HTR2C: variants seen among roughly 807,000 people sequenced by gnomAD.
HTR2C encodes the protein 5-hydroxytryptamine receptor 2C.
A neutral mutation model predicts 21.0 loss-of-function variants in HTR2C; 5 were observed. The ratio of observed to expected loss-of-function variants is 0.24; its 90% CI spans 0.12 to 0.50. The LOEUF (loss-of-function observed/expected upper bound fraction) is 0.50. Among genes scored for constraint, HTR2C ranks in the 20% least tolerant of loss-of-function variants. The probability of loss-of-function intolerance (pLI) is 0.98; values close to 1 mark genes in which losing one functional copy is unlikely to be tolerated. For synonymous variants in HTR2C, 150 were observed against 145.3 expected, an observed-to-expected ratio of 1.03 and a Z score of -0.23; for missense variants, 271 against 371.2, an observed-to-expected ratio of 0.73 and a Z score of 2.22.
intron 5 of HTR2C, among the ~76,000 whole-genome samples, chrX:114,879,093 T>TTA (rs2071160761): frequency 9.1e-6 from 1 of 109,604 alleles, no homozygotes; most frequent in South Asian, 3.7e-4. Context: ...AAAACTCCAA[T>TTA]TATATATATT....
At chrX:114,607,178 A>G (rs1020957912) in intron 1 of HTR2C, among the ~76,000 whole-genome samples, 1 of 112,055 alleles carries the variant, frequency 8.9e-6, no homozygotes, top group South Asian at 3.7e-4. Context: ...ACTTCAGGCC[A>G]TCTGGGCATA....
At chrX:114,612,810 C>T (rs1039136613) in intron 1 of HTR2C, among the ~76,000 whole-genome samples, 1 of 111,379 alleles carries the variant, frequency 9.0e-6, no homozygotes, top group Non-Finnish European at 1.9e-5. Flanking sequence ...TTGGATCTTG[C>T]ACAAGAAATA....
At chrX:114,626,404 A>AG (rs1289253991) in intron 2 of HTR2C, among the ~76,000 whole-genome samples, 50 of 102,041 alleles carry the variant, frequency 4.9e-4, no homozygotes, top group African/African-American at 1.6e-3. Context: ...AAAAAAAAGA[A>AG]AAAAAGAAAG....
intron 5 of HTR2C, among the ~76,000 whole-genome samples, chrX:114,865,845 T>A (rs1375562818): frequency 1.8e-5 from 2 of 111,213 alleles, no homozygotes; most frequent in Admixed American, 1.9e-4. Context: ...AGACAGGGTC[T>A]CCCTCTGTTG....
At chrX:114,816,019 C>G (rs1299844618) in intron 4 of HTR2C, among the ~76,000 whole-genome samples, 1 of 111,071 alleles carries the variant, frequency 9.0e-6, no homozygotes, top group Non-Finnish European at 1.9e-5. Flanking sequence ...AAAAGCTTAT[C>G]TCATAAGCTT....
chrX:114,796,043 C>G (rs2070290077), intron 4 of HTR2C, among the ~76,000 whole-genome samples: 1 of 111,212 alleles, frequency 9.0e-6, no homozygotes, highest in African/African-American at 3.3e-5. Context: ...AGATATATAG[C>G]ATATATAGAT....
At position 114,828,825 on chromosome X, in the gene HTR2C, A is replaced by G. The variant is rs189335981; in HGVS notation, c.350-19178A>G. On this transcript the variant is annotated intron_variant, in intron 4 of 5. Coordinates refer to ENST00000276198, the MANE Select transcript of HTR2C (RefSeq NM_000868.4). The stretch of plus-strand genomic sequence containing the variant: ...TATTTCGTATAAATAAAGTCATACA[A>G]TATGTGATCTTTTGCATCTGGCTTC... Among the ~76,000 whole-genome samples, 289 of 112,226 alleles carry G rather than the reference A, an allele frequency of 2.6e-3. 1 individual carries two copies. The highest frequency in any genetic ancestry group is 8.9e-3 in the African/African-American group (277 of 31,002).
At chrX:114,673,228 A>C (rs1931444544) in intron 2 of HTR2C, among the ~76,000 whole-genome samples, 1 of 112,464 alleles carries the variant, frequency 8.9e-6, no homozygotes, top group Non-Finnish European at 1.9e-5. Flanking sequence ...AACTTTAATT[A>C]ATTCCAGGAA....
chrX:114,807,114 T>TACC lies in HTR2C; in HGVS notation c.350-40888_350-40887insCCA, dbSNP rs2070469710. On this transcript the variant is annotated intron_variant, in intron 4 of 5. Transcript: ENST00000276198. ...ATACCCCATATATACACCATGTATA[T>TACC]ATATACCATATATACACCATATATA... 1.0e-4 allele frequency among the ~76,000 whole-genome samples: 4 copies of TACC among 38,522 alleles called. 1 individual carries two copies. Among genetic ancestry groups the TACC allele is most frequent in the African/African-American group, 3.9e-4 (4 of 10,187 alleles). The allele number at this position is 38,522 out of a possible 115,157, so 33.5% of individuals were successfully genotyped here.
At chrX:114,783,539 G>A (rs897559889) in intron 4 of HTR2C, among the ~76,000 whole-genome samples, 1 of 111,396 alleles carries the variant, frequency 9.0e-6, no homozygotes, top group Non-Finnish European at 1.9e-5. Flanking sequence ...GATAGAACAA[G>A]CTGGAAAAAA....
At chrX:114,596,794 A>C (rs945220667) in intron 1 of HTR2C, among the ~76,000 whole-genome samples, 2 of 112,531 alleles carry the variant, frequency 1.8e-5, no homozygotes, top group African/African-American at 6.5e-5. Context: ...TTGTGTTGCT[A>C]TAAAATAATT....
At chrX:114,827,321 C>T (rs2070686960) in intron 4 of HTR2C, among the ~76,000 whole-genome samples, 1 of 110,638 alleles carries the variant, frequency 9.0e-6, no homozygotes, top group Admixed American at 9.7e-5. Context: ...GTTTCTTACC[C>T]TTAATATTTT....
rs781788753 is a variant in HTR2C, at chrX:114,844,367, A to G, written c.350-3636A>G. On this transcript the variant is annotated intron_variant, in intron 4 of 5. Transcript: ENST00000276198. Reference sequence around the variant, plus strand: ...AGGTTAACCAAAGTAAACAATTAAAATAATACAAAGAGAAAGAGACAAGAA... The same window carrying G: ...AGGTTAACCAAAGTAAACAATTAAAGTAATACAAAGAGAAAGAGACAAGAA... Among the ~76,000 whole-genome samples the G allele has an allele frequency of 1.9e-3, 211 of 111,773 alleles. 1 individual carries two copies. Among genetic ancestry groups the G allele is most frequent in the African/African-American group, 6.1e-3 (189 of 30,935 alleles).
chrX:114,669,263 CA>C (rs1556411300), intron 2 of HTR2C, among the ~76,000 whole-genome samples: 4 of 111,671 alleles, frequency 3.6e-5, no homozygotes, highest in African/African-American at 1.3e-4. Context: ...GAACCATATA[CA>C]CACAATAATT....
intron 2 of HTR2C, among the ~76,000 whole-genome samples, chrX:114,666,349 C>T (rs371738492): frequency 4.5e-5 from 5 of 111,702 alleles, no homozygotes; most frequent in Middle Eastern, 9.4e-3. Context: ...AAGGTGCAAT[C>T]GTCACAAAAA....
At position 114,767,121 on chromosome X, in the gene HTR2C, T is replaced by A. The variant is rs1602761623; in HGVS notation, c.349+35514T>A. ...ACATGTTATGGGATATATAAGAGTT[T>A]TTATGGGAGCATGTACAATTGCAAA... is the stretch of plus-strand genomic sequence containing the variant. On this transcript the variant is annotated intron_variant, in intron 4 of 5. Transcript: ENST00000276198. 2.7e-5 allele frequency among the ~76,000 whole-genome samples: 3 copies of A among 111,723 alleles called. 1 individual carries two copies. The Admixed American group carries it at 2.9e-4, about 11-fold the overall frequency.
chrX:114,764,400 CAAA>C (rs375720855), intron 4 of HTR2C, among the ~76,000 whole-genome samples: 3 of 39,029 alleles, frequency 7.7e-5, no homozygotes, highest in African/African-American at 7.2e-5. Flanking sequence ...AACTCCATCT[CAAA>C]AAAAAAAAAA....
intron 2 of HTR2C, among the ~76,000 whole-genome samples, chrX:114,654,972 C>A (rs1374952772): frequency 3.7e-5 from 4 of 107,673 alleles, no homozygotes; most frequent in African/African-American, 1.4e-4. Context: ...GTTATACTGG[C>A]TACTTAATGT....
intron 4 of HTR2C, among the ~76,000 whole-genome samples, chrX:114,772,563 A>G (rs782355705): frequency 4.5e-5 from 5 of 110,560 alleles, no homozygotes; most frequent in Non-Finnish European, 7.6e-5. Flanking sequence ...AAGTACTTCA[A>G]TTGTTGGGGA....
Sources: gnomAD v4.1 joint callset for allele counts (sites outside exome capture counted in the v4.1 genomes callset) on GRCh38, gnomAD v4.1.1 for gene constraint, MANE v1.5 for transcripts, NCBI Gene and HGNC (gene_info 2026-07-23, HGNC 2026-07-21) for gene names.